The following MAPK6 variants were observed in gnomAD, a reference collection of about 807,000 sequenced individuals.
MAPK6 encodes ERK-3.
Under a neutral mutation model 59.3 loss-of-function variants are expected in MAPK6, and 19 were observed. The observed-to-expected ratio is 0.32, with a 90% CI of 0.22 to 0.47. The LOEUF is 0.47. Ranked by LOEUF, MAPK6 falls within the 20% of genes least tolerant of loss-of-function variation. The pLI is 1.00. For missense variants in MAPK6, 724 were observed against 847.9 expected (o/e 0.85, Z 1.81); for synonymous variants, 316 against 290.3 (o/e 1.09, Z -0.90).
In MAPK6 at chr15:51,977,134, C is replaced by T. The variant is rs2057159754; in HGVS notation, c.-880+5228C>T. Among the ~76,000 whole-genome samples the T allele has an allele frequency of 2.0e-5, 3 of 151,076 alleles. No individual in the cohort carries two copies. The South Asian group carries it at 6.2e-4, about 31-fold the overall frequency. On this transcript the variant is annotated intron_variant, in intron 1 of 7. Coordinates refer to the MAPK6 transcript ENST00000691380. ...TCTCCTGCCTCAGCCTCCCGAGTAGCTGGGATTACAGGTGCACACCACCAC... is the reference window on the plus strand; with the variant it reads ...TCTCCTGCCTCAGCCTCCCGAGTAGTTGGGATTACAGGTGCACACCACCAC...
chr15:52,007,541 T>C (rs1202552255), intron 3 of MAPK6, among the ~76,000 whole-genome samples: 1 of 152,190 alleles, frequency 6.6e-6, no homozygotes, highest in Non-Finnish European at 1.5e-5. Context: ...ATGAATGTTA[T>C]AATTCATTTT....
chr15:52,053,790 C>T (rs758547324), intron 3 of MAPK6, among the ~76,000 whole-genome samples: 29 of 151,852 alleles, frequency 1.9e-4, no homozygotes, highest in Non-Finnish European at 3.5e-4. Context: ...CAGGCACATA[C>T]CACTATGCCC....
chr15:51,984,307 A>C (rs2057183336), intron 2 of MAPK6, among the ~76,000 whole-genome samples: 1 of 152,036 alleles, frequency 6.6e-6, no homozygotes, highest in African/African-American at 2.4e-5. Context: ...TCTGAGATGG[A>C]GTTTCGCTCT....
At chr15:52,062,599 T>G (rs1466549753) in intron 5 of MAPK6, among the ~76,000 whole-genome samples, 1 of 152,010 alleles carries the variant, frequency 6.6e-6, no homozygotes, top group Non-Finnish European at 1.5e-5. Flanking sequence ...ACCCGGTCTC[T>G]ACTAAAAATA....
chr15:52,061,278 C>G (rs1331906312), intron 4 of MAPK6, 21 bp from the exon 5 acceptor site: 1 of 1,596,682 alleles, frequency 6.3e-7, no homozygotes. Context: ...TTCTGAAAAA[C>G]TTTTACCTTT....
intron 1 of MAPK6, among the ~76,000 whole-genome samples, chr15:52,034,484 G>GT (rs1390305035): frequency 6.6e-6 from 1 of 151,136 alleles, no homozygotes; most frequent in African/African-American, 2.4e-5. Flanking sequence ...TCATTTTTGT[G>GT]TTTTTTGTAG....
chr15:52,016,068 G>GCACACA (rs1183676940), upstream of MAPK6, among the ~76,000 whole-genome samples: 606 of 35,578 alleles, frequency 0.017, 1 homozygote, highest in Non-Finnish European at 0.027. Flanking sequence ...GCGCGCGCGC[G>GCACACA]CGCACACACA....
At chr15:52,024,438 T>A (rs1344287229) in intron 1 of MAPK6, 1 of 152,272 alleles carries the variant, frequency 6.6e-6, no homozygotes, top group East Asian at 1.9e-4. Flanking sequence ...TCTCACTCTG[T>A]CACCCAGGCT....
At chr15:52,000,127 T>C (rs895778376) in intron 2 of MAPK6, among the ~76,000 whole-genome samples, 1 of 151,624 alleles carries the variant, frequency 6.6e-6, no homozygotes, top group African/African-American at 2.4e-5. Context: ...TTTTAAGAGA[T>C]TGGGTCTCTC....
intron 5 of MAPK6, among the ~76,000 whole-genome samples, chr15:52,062,007 A>T (rs1264991565): frequency 6.6e-6 from 1 of 151,714 alleles, no homozygotes; most frequent in East Asian, 1.9e-4. Context: ...AAGTATCTCC[A>T]GTGTCTCAGT....
At chr15:52,053,148 C>G (rs796685213) in intron 3 of MAPK6, among the ~76,000 whole-genome samples, 5 of 147,526 alleles carry the variant, frequency 3.4e-5, no homozygotes, top group African/African-American at 1.0e-4. Flanking sequence ...TCTTGGCTCA[C>G]TGCAACCACT....
At chr15:52,052,428 C>G in intron 3 of MAPK6, among the ~76,000 whole-genome samples, 1 of 152,288 alleles carries the variant, frequency 6.6e-6, no homozygotes, top group Middle Eastern at 3.4e-3. Context: ...ATTCACATAT[C>G]ATACAATTTA....
At chr15:52,015,399 G>A (rs558838620), upstream of MAPK6, among the ~76,000 whole-genome samples, 2 of 151,956 alleles carry the variant, frequency 1.3e-5, no homozygotes, top group South Asian at 4.2e-4. Context: ...CACCTGCCTC[G>A]GCCTCCCAGA....
At chr15:52,032,064 T>C (rs751473662) in intron 1 of MAPK6, among the ~76,000 whole-genome samples, 1 of 151,828 alleles carries the variant, frequency 6.6e-6, no homozygotes, top group African/African-American at 2.4e-5. Context: ...TTAGTAGAGA[T>C]AGGGTTTCAC....
intron 3 of MAPK6, among the ~76,000 whole-genome samples, chr15:52,011,652 C>G (rs960593236): frequency 6.6e-5 from 10 of 152,154 alleles, no homozygotes; most frequent in African/African-American, 2.4e-4. Context: ...TTTGCAGGAA[C>G]CTAGCCTTGT....
intron 2 of MAPK6, among the ~76,000 whole-genome samples, chr15:51,998,563 C>T (rs1248910326): frequency 6.8e-6 from 1 of 147,348 alleles, no homozygotes; most frequent in Non-Finnish European, 1.5e-5. Flanking sequence ...ACTCTATTGC[C>T]CAGGCTGGAA....
At chr15:52,057,742 A>T (rs7497382) in intron 3 of MAPK6, among the ~76,000 whole-genome samples, 35 of 152,154 alleles carry the variant, frequency 2.3e-4, no homozygotes, top group Non-Finnish European at 4.1e-4. Flanking sequence ...GGGTTTTACC[A>T]TGTTGGCCAG....
rs934599062 is a variant in MAPK6 at position 52,066,933 on chromosome 15, T to C, written c.*1933T>C. ...GGGGAAAAAAAAAATGGGACACTTT[T>C]AGTTGGAGCTGGGTGGGGTGACAAG... is the stretch of plus-strand genomic sequence containing the variant. On this transcript the variant is annotated 3_prime_UTR_variant, in exon 6 of 6. Coordinates refer to ENST00000261845, the MANE Select transcript of MAPK6 (RefSeq NM_002748.4). The C allele has an allele frequency of 1.3e-5, 2 of 152,172 alleles. No individual in the cohort carries two copies. The highest frequency in any genetic ancestry group is 1.5e-5 in the Non-Finnish European group (1 of 68,040). 9.4% of individuals were successfully genotyped at this position (152,172 alleles called of 1,614,324 possible). A position where few individuals can be genotyped will look rare whatever the true frequency, so the allele number is the denominator to read the frequency against.
intron 3 of MAPK6, among the ~76,000 whole-genome samples, chr15:52,054,316 C>T (rs952804788): frequency 3.1e-4 from 40 of 127,052 alleles, no homozygotes; most frequent in Admixed American, 6.1e-4. Context: ...TGCAGTGAGC[C>T]GAGATCTTGC....
Sources: gnomAD v4.1 joint callset for allele counts (sites outside exome capture counted in the v4.1 genomes callset) on GRCh38, gnomAD v4.1.1 for gene constraint, MANE v1.5 for transcripts, NCBI Gene and HGNC (gene_info 2026-07-23, HGNC 2026-07-21) for gene names.